The following NELL1 variants were observed in gnomAD, a reference collection of about 807,000 sequenced individuals.
The protein encoded by NELL1 is protein kinase C-binding protein NELL1.
Under a neutral mutation model 107.4 loss-of-function variants are expected in NELL1, and 76 were observed. The observed-to-expected ratio is 0.71, with a 90% CI of 0.59 to 0.86. The LOEUF is 0.86. Among genes scored for constraint, NELL1 ranks in the 40% least tolerant of loss-of-function variants. The pLI is 0.00. For missense variants in NELL1, 1,024 were observed against 1,005.5 expected (o/e 1.02, Z -0.25); for synonymous variants, 353 against 341.2 (o/e 1.03, Z -0.38).
chr11:20,691,279 T>C (rs1227653689), intron 2 of NELL1, among the ~76,000 whole-genome samples: 1 of 151,636 alleles, frequency 6.6e-6, no homozygotes, highest in Non-Finnish European at 1.5e-5. Flanking sequence ...CTTTATTTCC[T>C]TCTCCTGCCT....
intron 12 of NELL1, among the ~76,000 whole-genome samples, chr11:21,100,021 CTT>C (rs557185341): frequency 6.8e-6 from 1 of 146,124 alleles, no homozygotes. Flanking sequence ...CATTTTAGCC[CTT>C]TTTTTTTTTG....
chr11:21,144,687 T>C (rs975067915), intron 13 of NELL1, among the ~76,000 whole-genome samples: 1 of 152,116 alleles, frequency 6.6e-6, no homozygotes, highest in African/African-American at 2.4e-5. Flanking sequence ...AAGAGCGTGA[T>C]AGGAAATGAA....
chr11:21,471,249 A>C (rs1854172771), intron 15 of NELL1, among the ~76,000 whole-genome samples: 1 of 152,058 alleles, frequency 6.6e-6, no homozygotes, highest in African/African-American at 2.4e-5. Flanking sequence ...TGGAAAAAAA[A>C]ATAGGCTTGG....
At chr11:20,918,130 T>C in intron 5 of NELL1, 52 bp from the exon 6 acceptor site, 1 of 987,568 alleles carries the variant, frequency 1.0e-6, no homozygotes, top group Non-Finnish European at 1.6e-6. Flanking sequence ...ATAGGGGACA[T>C]TTGAGCTGGT....
chr11:21,233,331 C>T (rs767215148), intron 14 of NELL1, among the ~76,000 whole-genome samples: 20 of 152,266 alleles, frequency 1.3e-4, no homozygotes, highest in South Asian at 2.1e-4. Context: ...TTAAGTAAGA[C>T]GTAGTTGAAT....
chr11:21,404,768 A>T (rs1420625041), intron 15 of NELL1, among the ~76,000 whole-genome samples: 2 of 151,564 alleles, frequency 1.3e-5, no homozygotes, highest in African/African-American at 2.4e-5. Context: ...TTGTACAACA[A>T]ATTGAAGCTG....
At chr11:20,778,678 T>G (rs891637260) in intron 2 of NELL1, among the ~76,000 whole-genome samples, 20 of 152,108 alleles carry the variant, frequency 1.3e-4, no homozygotes, top group African/African-American at 4.6e-4. Context: ...TGGAACGCCA[T>G]TTTCCCCCGT....
At position 20,812,644 on chromosome 11, in the gene NELL1, G is replaced by T. The variant is rs749407792; in HGVS notation, c.335+28814G>T. On this transcript the variant is annotated intron_variant, in intron 3 of 19. Transcript: ENST00000357134. ...AATTTAGCATGCTGGCATTTATGTTGTTAATTAAAGGAGGAGGTCAGTTCA... is the reference window on the plus strand; with the variant it reads ...AATTTAGCATGCTGGCATTTATGTTTTTAATTAAAGGAGGAGGTCAGTTCA... Among the ~76,000 whole-genome samples the T allele has an allele frequency of 8.9e-4, 135 of 152,144 alleles. 3 individuals are homozygous for T. The highest frequency in any genetic ancestry group is 1.2e-3 in the Non-Finnish European group (83 of 68,032).
chr11:20,940,858 C>CTTAAAAATA (rs1850838066), intron 10 of NELL1, among the ~76,000 whole-genome samples: 1 of 152,130 alleles, frequency 6.6e-6, no homozygotes, highest in Non-Finnish European at 1.5e-5. Context: ...CCACCTCCAG[C>CTTAAAAATA]CAGGCGTGGT....
chr11:21,487,977 A>G (rs1052220737), intron 15 of NELL1, among the ~76,000 whole-genome samples: 2 of 152,174 alleles, frequency 1.3e-5, no homozygotes, highest in African/African-American at 4.8e-5. Flanking sequence ...GCAAAAATAG[A>G]ACATAACAAT....
At chr11:21,271,395 A>G (rs11824051) in intron 14 of NELL1, among the ~76,000 whole-genome samples, 6,644 of 152,256 alleles carry the variant, frequency 0.044, 289 homozygotes, top group African/African-American at 0.11. Context: ...ATGTAAAATG[A>G]ACCAATTTCT....
At chr11:21,228,562 T>C (rs946543306) in intron 13 of NELL1, among the ~76,000 whole-genome samples, 1 of 152,038 alleles carries the variant, frequency 6.6e-6, no homozygotes, top group Non-Finnish European at 1.5e-5. Flanking sequence ...CCTTCAAAAA[T>C]TTTTTTGGGA....
Position 21,573,273 on chromosome 11 carries a change from G to C in NELL1, c.2246G>C (p.Cys749Ser). The C allele has an allele frequency of 6.2e-7, 1 of 1,612,506 alleles. No individual in the cohort carries two copies. Among genetic ancestry groups the C allele is most frequent in the Non-Finnish European group, 8.5e-7 (1 of 1,179,068 alleles). Residue 749 changes from cysteine to serine, a missense_variant, in exon 19 of 20, where the codon TGT becomes TCT. By Grantham distance (112) the Cys-to-Ser change is moderately radical (BLOSUM62 -1). Coordinates refer to ENST00000357134, the MANE Select transcript of NELL1 (RefSeq NM_006157.5). ...AILEGECCPR[C>S]VSDPCLADNI... The stretch of plus-strand genomic sequence containing the variant: ...TTAGAAGGGGAATGTTGTCCCCGCT[G>C]TGTCAGTGACCCCTGCCTAGCTGAT...
intron 12 of NELL1, among the ~76,000 whole-genome samples, chr11:20,996,771 T>C (rs1342650312): frequency 6.6e-6 from 1 of 152,158 alleles, no homozygotes. Context: ...GCAAATTCTT[T>C]GTTCTTTAAT....
intron 14 of NELL1, among the ~76,000 whole-genome samples, chr11:21,329,923 C>G (rs1850233626): frequency 6.6e-6 from 1 of 152,062 alleles, no homozygotes; most frequent in Non-Finnish European, 1.5e-5. Flanking sequence ...ATGTTATAAA[C>G]CCAATAATGA....
intron 3 of NELL1, among the ~76,000 whole-genome samples, chr11:20,806,027 C>A (rs1857375477): frequency 6.6e-6 from 1 of 151,866 alleles, no homozygotes; most frequent in Non-Finnish European, 1.5e-5. Context: ...AGTTTACTGA[C>A]CACAATTCCA....
chr11:20,935,983 G>A (rs146516463), intron 9 of NELL1, among the ~76,000 whole-genome samples: 1 of 152,102 alleles, frequency 6.6e-6, no homozygotes. Context: ...GGGGAGTGAG[G>A]TTGCTGCAGG....
intron 5 of NELL1, among the ~76,000 whole-genome samples, chr11:20,888,561 G>C (rs560567197): frequency 9.9e-5 from 15 of 151,906 alleles, no homozygotes; most frequent in African/African-American, 3.6e-4. Context: ...AAGTATAACG[G>C]GTAAGAATTT....
At chr11:21,232,159 A>T (rs7478771) in intron 14 of NELL1, among the ~76,000 whole-genome samples, 1,162 of 73,072 alleles carry the variant, frequency 0.016, 24 homozygotes, top group African/African-American at 0.033. Context: ...AAAAAAAAAA[A>T]ATATATATAT....
Sources: gnomAD v4.1 joint callset for allele counts (sites outside exome capture counted in the v4.1 genomes callset) on GRCh38, gnomAD v4.1.1 for gene constraint, MANE v1.5 for transcripts, NCBI Gene and HGNC (gene_info 2026-07-23, HGNC 2026-07-21) for gene names.